Variants in WARS2 observed in about 807,000 individuals in gnomAD.
The protein encoded by WARS2 is tryptophanyl tRNA synthetase 2, mitochondrial.
WARS2 carries 28 observed loss-of-function variants against 36.5 expected under a neutral mutation model. The observed-to-expected ratio is 0.77, with a 90% CI of 0.57 to 1.05. The LOEUF is 1.05. Ranked by LOEUF, WARS2 falls within the 50% of genes least tolerant of loss-of-function variation. WARS2 has a pLI of 0.00. For missense variants in WARS2, 435 were observed against 456.8 expected (o/e 0.95, Z 0.44); for synonymous variants, 174 against 178.4 (o/e 0.98, Z 0.20).
intron 2 of WARS2, among the ~76,000 whole-genome samples, chr1:119,046,266 C>T (rs1648810360): frequency 1.5e-5 from 2 of 132,972 alleles, no homozygotes; most frequent in South Asian, 2.6e-4. Context: ...TCTTTTTCAT[C>T]TTCCTCTCCT....
At chr1:119,035,731 C>A (rs929304324) in intron 4 of WARS2, among the ~76,000 whole-genome samples, 1 of 152,142 alleles carries the variant, frequency 6.6e-6, no homozygotes, top group Non-Finnish European at 1.5e-5. Flanking sequence ...GCATAGAAAA[C>A]TTACTTGAAA....
intron 1 of WARS2, among the ~76,000 whole-genome samples, chr1:119,108,004 G>A (rs1195941654): frequency 6.6e-6 from 1 of 151,952 alleles, no homozygotes; most frequent in African/African-American, 2.4e-5. Context: ...TATTAAACCA[G>A]CCTCACATAC....
intron 2 of WARS2, chr1:119,062,832 A>T (rs1053040619): frequency 1.9e-5 from 3 of 157,652 alleles, no homozygotes; most frequent in African/African-American, 7.2e-5. Context: ...TGTAAGTCCA[A>T]TTAAACCTCT....
At chr1:119,055,964 AT>A (rs1165362460) in intron 2 of WARS2, among the ~76,000 whole-genome samples, 17 of 151,490 alleles carry the variant, frequency 1.1e-4, no homozygotes. Context: ...TCTTGGTTGC[AT>A]TGTGAATACA....
chr1:119,052,787 A>G (rs1649472267), intron 2 of WARS2, among the ~76,000 whole-genome samples: 1 of 152,218 alleles, frequency 6.6e-6, no homozygotes, highest in Non-Finnish European at 1.5e-5. Context: ...CCTCTTTCAC[A>G]TGACATATTG....
chr1:119,078,070 C>T lies in WARS2; in HGVS notation c.91-1463G>A, dbSNP rs955455860. ...CAGTTTATAGATGAGAGACGTGAGGCTCACAGATTTAACTAGATTGCCCAT... is the reference window on the plus strand; with the variant it reads ...CAGTTTATAGATGAGAGACGTGAGGTTCACAGATTTAACTAGATTGCCCAT... On this transcript the variant is annotated intron_variant, in intron 1 of 5. Transcript: ENST00000235521. Among the ~76,000 whole-genome samples the T allele has an allele frequency of 2.6e-5, 4 of 152,286 alleles. No individual in the cohort carries two copies. The East Asian group carries it at 7.7e-4, about 29-fold the overall frequency.
chr1:119,126,521 C>A, intron 1 of WARS2: 3 of 493,254 alleles, frequency 6.1e-6, no homozygotes, highest in African/African-American at 2.0e-5. Flanking sequence ...TTATTTGCCA[C>A]TATTAAAAGT....
chr1:119,106,279 T>C (rs1386082504), intron 1 of WARS2, among the ~76,000 whole-genome samples: 1 of 152,180 alleles, frequency 6.6e-6, no homozygotes, highest in Non-Finnish European at 1.5e-5. Flanking sequence ...ACCATAGTGG[T>C]ACATTTGTTA....
intron 1 of WARS2, among the ~76,000 whole-genome samples, chr1:119,102,063 TGG>T (rs1325955949): frequency 6.3e-4 from 2 of 3,190 alleles, no homozygotes; most frequent in East Asian, 5.9e-3. Context: ...GTGGTGGCGG[TGG>T]GGGTTGGGGG....
intron 1 of WARS2, among the ~76,000 whole-genome samples, chr1:119,095,107 A>C (rs960862391): frequency 2.0e-5 from 3 of 152,140 alleles, no homozygotes; most frequent in African/African-American, 7.2e-5. Flanking sequence ...GAAATGAGTA[A>C]GAAAAAAATC....
intron 1 of WARS2, among the ~76,000 whole-genome samples, chr1:119,116,498 A>G (rs1654980252): frequency 6.6e-6 from 1 of 152,200 alleles, no homozygotes; most frequent in Admixed American, 6.5e-5. Context: ...AAAAATTCAC[A>G]GACCCTTTGA....
At chr1:119,106,453 T>C (rs1258637594) in intron 1 of WARS2, among the ~76,000 whole-genome samples, 2 of 152,214 alleles carry the variant, frequency 1.3e-5, no homozygotes, top group Admixed American at 1.3e-4. Flanking sequence ...AAGAATCCTC[T>C]GTGCTGTGGC....
At chr1:119,043,557 G>A (rs1648547566) in intron 3 of WARS2, among the ~76,000 whole-genome samples, 1 of 152,070 alleles carries the variant, frequency 6.6e-6, no homozygotes, top group South Asian at 2.1e-4. Context: ...AATGCTCTAG[G>A]CCATTCAAAG....
chr1:119,054,504 G>T (rs1233235384), intron 2 of WARS2, among the ~76,000 whole-genome samples: 2 of 152,032 alleles, frequency 1.3e-5, no homozygotes, highest in East Asian at 3.9e-4. Flanking sequence ...CGATCCCTCA[G>T]AAAATTAAAA....
intron 2 of WARS2, among the ~76,000 whole-genome samples, chr1:119,049,143 G>A (rs1649121381): frequency 6.6e-6 from 1 of 152,128 alleles, no homozygotes; most frequent in Non-Finnish European, 1.5e-5. Context: ...ACAGGCGGCT[G>A]GACATCGAGG....
intron 1 of WARS2, among the ~76,000 whole-genome samples, chr1:119,110,827 T>C (rs1393879843): frequency 6.6e-6 from 1 of 152,126 alleles, no homozygotes; most frequent in East Asian, 1.9e-4. Context: ...TATTCTTTTC[T>C]TGTTTATCTT....
At chr1:119,033,456 T>C in intron 5 of WARS2, 97 bp from the exon 6 acceptor site, 2 of 1,484,118 alleles carry the variant, frequency 1.3e-6, no homozygotes, top group Non-Finnish European at 1.8e-6. Context: ...TTGCAATGGT[T>C]TGAATTATGA....
At chr1:119,045,226 C>T (rs1648692870) in intron 3 of WARS2, among the ~76,000 whole-genome samples, 1 of 152,188 alleles carries the variant, frequency 6.6e-6, no homozygotes, top group South Asian at 2.1e-4. Flanking sequence ...TCTTTCCTTA[C>T]TGCCAGTTAA....
chr1:119,102,075 G>T (rs1362488193), intron 1 of WARS2, among the ~76,000 whole-genome samples: 1 of 150,312 alleles, frequency 6.7e-6, no homozygotes, highest in Non-Finnish European at 1.5e-5. Context: ...GGGGTTGGGG[G>T]GGTGGGCAAT....
Sources: gnomAD v4.1 joint callset for allele counts (sites outside exome capture counted in the v4.1 genomes callset) on GRCh38, gnomAD v4.1.1 for gene constraint, MANE v1.5 for transcripts, NCBI Gene and HGNC (gene_info 2026-07-23, HGNC 2026-07-21) for gene names.